The following CALN1 variants were observed in gnomAD, a reference collection of about 807,000 sequenced individuals.
CALN1 encodes calneuron 1.
In CALN1, 17 loss-of-function variants were observed where a neutral mutation model predicts 30.6. That is an observed-to-expected ratio of 0.56 (90% CI 0.38 to 0.83). The LOEUF is 0.83. CALN1 is among the 40% of genes least tolerant of loss of function. The pLI, the probability that CALN1 is intolerant of heterozygous loss-of-function variation, is 0.00. For missense variants in CALN1, 291 were observed against 354.9 expected, an observed-to-expected ratio of 0.82 and a Z score of 1.45; for synonymous variants, 156 against 131.4, an observed-to-expected ratio of 1.19 and a Z score of -1.28.
At chr7:72,310,711 C>T (rs1799979040) in intron 2 of CALN1, among the ~76,000 whole-genome samples, 1 of 151,782 alleles carries the variant, frequency 6.6e-6, no homozygotes, top group African/African-American at 2.4e-5. Flanking sequence ...CGAGACCAGC[C>T]TGGTCAACAT....
intron 5 of CALN1, among the ~76,000 whole-genome samples, chr7:71,982,437 A>G (rs1234064894): frequency 6.6e-6 from 1 of 152,138 alleles, no homozygotes; most frequent in African/African-American, 2.4e-5. Context: ...TCTACTAAAA[A>G]TATAAAATTA....
chr7:72,268,090 A>G (rs1345005273), intron 3 of CALN1, among the ~76,000 whole-genome samples: 1 of 152,224 alleles, frequency 6.6e-6, no homozygotes, highest in Non-Finnish European at 1.5e-5. Flanking sequence ...TAATCCACAT[A>G]AAACACTTTG....
At chr7:72,040,779 C>A (rs1802077113) in intron 4 of CALN1, among the ~76,000 whole-genome samples, 1 of 152,144 alleles carries the variant, frequency 6.6e-6, no homozygotes, top group African/African-American at 2.4e-5. Flanking sequence ...GGGCTTCCAG[C>A]CTTCAGAACT....
At chr7:72,423,003 C>T (rs1807664750) in intron 1 of CALN1, among the ~76,000 whole-genome samples, 1 of 151,666 alleles carries the variant, frequency 6.6e-6, no homozygotes, top group African/African-American at 2.4e-5. Flanking sequence ...GTCCCAGCTA[C>T]TCAGGGGCTA....
At chr7:72,135,801 C>G (rs1328626637) in intron 3 of CALN1, among the ~76,000 whole-genome samples, 2 of 152,166 alleles carry the variant, frequency 1.3e-5, no homozygotes, top group African/African-American at 4.8e-5. Context: ...TTCTCCTACC[C>G]AGCTATGAAA....
chr7:72,276,576 C>T (rs534537104), intron 3 of CALN1, among the ~76,000 whole-genome samples: 47 of 151,960 alleles, frequency 3.1e-4, no homozygotes, highest in Admixed American at 1.8e-3. Flanking sequence ...ATGGTTAAGA[C>T]GTGATTTGAC....
chr7:72,416,797 G>A (rs1025672909), upstream of CALN1, among the ~76,000 whole-genome samples: 4 of 149,034 alleles, frequency 2.7e-5, no homozygotes, highest in Non-Finnish European at 1.5e-5. Context: ...GCTTCATCCC[G>A]ATTTGGGGAC....
At chr7:71,907,871 T>C (rs780317360) in intron 5 of CALN1, among the ~76,000 whole-genome samples, 1 of 152,236 alleles carries the variant, frequency 6.6e-6, no homozygotes, top group African/African-American at 2.4e-5. Flanking sequence ...GCTTATTTTG[T>C]ATTCAAAGGT....
chr7:72,120,636 A>G (rs1808311117), intron 3 of CALN1, among the ~76,000 whole-genome samples: 1 of 152,208 alleles, frequency 6.6e-6, no homozygotes, highest in Non-Finnish European at 1.5e-5. Flanking sequence ...TCAAAAAGGC[A>G]GTATCAATTA....
intron 3 of CALN1, among the ~76,000 whole-genome samples, chr7:72,144,110 G>A (rs1480634036): frequency 6.6e-6 from 1 of 152,080 alleles, no homozygotes; most frequent in African/African-American, 2.4e-5. Flanking sequence ...GACAGGATCA[G>A]ATTCACACAT....
chr7:71,821,524 C>T (rs1313844699), intron 5 of CALN1, among the ~76,000 whole-genome samples: 2 of 152,118 alleles, frequency 1.3e-5, no homozygotes, highest in Non-Finnish European at 2.9e-5. Flanking sequence ...GACTTACTCA[C>T]TACCACCAGA....
the CALN1 span, among the ~76,000 whole-genome samples, chr7:72,453,514 C>T: frequency 6.6e-6 from 1 of 152,200 alleles, no homozygotes; most frequent in Non-Finnish European, 1.5e-5. Flanking sequence ...TGGAAAAATG[C>T]TTTAGGTGCC....
intron 4 of CALN1, among the ~76,000 whole-genome samples, chr7:72,090,849 A>C (rs550690279): frequency 6.6e-6 from 1 of 152,294 alleles, no homozygotes; most frequent in African/African-American, 2.4e-5. Context: ...TCATGTTCTC[A>C]CTGATCTATG....
chr7:72,448,151 C>T (rs1808581003), upstream of CALN1, among the ~76,000 whole-genome samples: 1 of 151,914 alleles, frequency 6.6e-6, no homozygotes, highest in Non-Finnish European at 1.5e-5. Context: ...CATGCACACA[C>T]ATCTTCCCAT....
At chr7:72,062,841 AAAGAAATCTTGAGGCCCAGATGGCTTCC>A (rs1324985382) in intron 4 of CALN1, among the ~76,000 whole-genome samples, 1 of 152,192 alleles carries the variant, frequency 6.6e-6, no homozygotes, top group Non-Finnish European at 1.5e-5. Flanking sequence ...ACTTTCCAAA[AAAGAAATCTTGAGGCCCAGATGGCTTCC>A]TTGGCAAATT....
chr7:72,147,865 G>A (rs149572457), intron 3 of CALN1, among the ~76,000 whole-genome samples: 1,908 of 148,028 alleles, frequency 0.013, 40 homozygotes, highest in African/African-American at 0.044. Flanking sequence ...ACCAAACATC[G>A]CATGTTCTCA....
intron 5 of CALN1, among the ~76,000 whole-genome samples, chr7:71,873,443 G>A (rs1032458067): frequency 9.9e-5 from 15 of 152,244 alleles, no homozygotes; most frequent in South Asian, 4.1e-4. Flanking sequence ...ATTGGACCAC[G>A]AAAATAAAAG....
At chr7:72,118,413 T>C (rs1584979500) in intron 3 of CALN1, among the ~76,000 whole-genome samples, 3 of 152,206 alleles carry the variant, frequency 2.0e-5, no homozygotes, top group African/African-American at 7.2e-5. Flanking sequence ...ATGAAAAGTA[T>C]TTCTTTCTTA....
chr7:72,180,032 C>T (rs1789647663), intron 3 of CALN1, among the ~76,000 whole-genome samples: 1 of 152,172 alleles, frequency 6.6e-6, no homozygotes. Context: ...ACACATGTTG[C>T]TTATCTCTAA....
Sources: gnomAD v4.1 joint callset for allele counts (sites outside exome capture counted in the v4.1 genomes callset) on GRCh38, gnomAD v4.1.1 for gene constraint, MANE v1.5 for transcripts, NCBI Gene and HGNC (gene_info 2026-07-23, HGNC 2026-07-21) for gene names.